The following L3MBTL4 variants were observed in gnomAD, a reference collection of about 807,000 sequenced individuals.
The protein encoded by L3MBTL4 is lethal(3)malignant brain tumor-like protein 4.
L3MBTL4 carries 70 observed loss-of-function variants against 84.5 expected under a neutral mutation model. The ratio of observed to expected loss-of-function variants is 0.83; its 90% CI spans 0.68 to 1.01. The LOEUF is 1.01. L3MBTL4 is among the 50% of genes least tolerant of loss of function. L3MBTL4 has a pLI of 0.00. For missense variants in L3MBTL4, 715 were observed against 754.8 expected (o/e 0.95, Z 0.62); for synonymous variants, 274 against 259.8 (o/e 1.05, Z -0.52).
rs1450535778 is a variant in L3MBTL4 at position 5,954,960 on chromosome 18, A to G, written c.*1260T>C. On this transcript the variant is annotated 3_prime_UTR_variant, in exon 19 of 19. Transcript: ENST00000317931. ...CAGTGAAAAAAAAATGTAAAGCTTG[A>G]GAAATTCTCCAAGCAGAATCAACTT... 6.6e-6 allele frequency: 1 copy of G among 152,236 alleles called. No individual in the cohort carries two copies. The highest frequency in any genetic ancestry group is 1.5e-5 in the Non-Finnish European group (1 of 68,042). 9.4% of individuals were successfully genotyped at this position (152,236 alleles called of 1,614,324 possible).
chr18:6,331,656 C>T (rs1262499394), intron 1 of L3MBTL4, among the ~76,000 whole-genome samples: 1 of 151,838 alleles, frequency 6.6e-6, no homozygotes, highest in Non-Finnish European at 1.5e-5. Flanking sequence ...TGAGGAAATA[C>T]GTGACAAAAC....
intron 8 of L3MBTL4, among the ~76,000 whole-genome samples, chr18:6,240,650 A>G (rs2146112853): frequency 6.6e-6 from 1 of 152,236 alleles, no homozygotes; most frequent in South Asian, 2.1e-4. Context: ...CCTGATTTTT[A>G]TTCTCCTTCA....
rs531581952 is a variant in L3MBTL4, at chr18:6,018,794, G to A, written c.1445-49232C>T. On this transcript the variant is annotated intron_variant, in intron 16 of 18. Transcript: ENST00000317931. ...GCTCTGAAAGAGTTAAGGTCTGGAA[G>A]CAATCAGAGCAAAGATTCTGATTAG... Among the ~76,000 whole-genome samples, 3 of 152,302 alleles carry A rather than the reference G, an allele frequency of 2.0e-5. No homozygotes were observed. The East Asian group carries it at 5.8e-4, about 29-fold the overall frequency.
chr18:6,254,250 C>G (rs899070699), intron 5 of L3MBTL4, among the ~76,000 whole-genome samples: 1 of 152,064 alleles, frequency 6.6e-6, no homozygotes, highest in African/African-American at 2.4e-5. Context: ...ACATGGCTAC[C>G]CTTCAAGGGG....
intron 5 of L3MBTL4, among the ~76,000 whole-genome samples, chr18:6,247,645 ATTTT>A (rs58646046): frequency 0.062 from 7,858 of 127,710 alleles, 777 homozygotes; most frequent in African/African-American, 0.22. Flanking sequence ...TGCCCGGCTA[ATTTT>A]TTTTTTTTTT....
chr18:6,314,468 A>G (rs901161470), intron 1 of L3MBTL4, among the ~76,000 whole-genome samples: 1 of 152,350 alleles, frequency 6.6e-6, no homozygotes, highest in Middle Eastern at 3.4e-3. Context: ...ACAATGCCCG[A>G]GCACCACCTA....
At position 6,078,112 on chromosome 18, in the gene L3MBTL4, C is replaced by CA. The variant is rs533262168; in HGVS notation, c.1444+2768dup. Among the ~76,000 whole-genome samples, 863 of 91,810 alleles carry CA rather than the reference C, an allele frequency of 9.4e-3. 8 individuals are homozygous for CA. The highest frequency in any genetic ancestry group is 0.016 in the Middle Eastern group (2 of 126). The allele number at this position is 91,810 out of a possible 152,430, so 60.2% of individuals were successfully genotyped here. A position where few individuals can be genotyped will look rare whatever the true frequency, so the allele number is the denominator to read the frequency against. ...CACTCATTCAAATCTATGCCCAGACCAAAAAAAAAAAAAAAAAGCTGGCAG... is the reference window on the plus strand; with the variant it reads ...CACTCATTCAAATCTATGCCCAGACCAAAAAAAAAAAAAAAAAAGCTGGCAG... On this transcript the variant is annotated intron_variant, in intron 16 of 18. Transcript: ENST00000317931.
At chr18:6,362,427 GCCCTCTCTCCTTCTGCTAACAGAGC>G (rs2053749096) in intron 1 of L3MBTL4, among the ~76,000 whole-genome samples, 1 of 152,176 alleles carries the variant, frequency 6.6e-6, no homozygotes, top group Non-Finnish European at 1.5e-5. Context: ...CTGCTCAGCA[GCCCTCTCTCCTTCTGCTAACAGAGC>G]CCCTCTCTGC....
At chr18:6,134,337 C>T (rs2059965377) in intron 14 of L3MBTL4, among the ~76,000 whole-genome samples, 2 of 152,068 alleles carry the variant, frequency 1.3e-5, no homozygotes, top group South Asian at 2.1e-4. Context: ...CATTCCACCC[C>T]GGCCCCTCCA....
At chr18:6,239,368 A>C (rs2047359260) in intron 9 of L3MBTL4, among the ~76,000 whole-genome samples, 2 of 135,138 alleles carry the variant, frequency 1.5e-5, no homozygotes, top group Admixed American at 8.0e-5. Flanking sequence ...AAATGTGATA[A>C]GGTACATTTA....
At chr18:6,185,152 G>T (rs1438967527) in intron 12 of L3MBTL4, among the ~76,000 whole-genome samples, 1 of 152,198 alleles carries the variant, frequency 6.6e-6, no homozygotes, top group Non-Finnish European at 1.5e-5. Flanking sequence ...GCAGACAAAT[G>T]AAAAGTCATT....
chr18:6,163,271 G>GT (rs1491389564), intron 13 of L3MBTL4, among the ~76,000 whole-genome samples: 21 of 77,490 alleles, frequency 2.7e-4, no homozygotes, highest in South Asian at 5.3e-4. Context: ...GGGGGGGGGT[G>GT]GGTGTGTGTG....
At chr18:6,177,849 G>A (rs964281517) in intron 12 of L3MBTL4, among the ~76,000 whole-genome samples, 52 of 152,176 alleles carry the variant, frequency 3.4e-4, no homozygotes, top group African/African-American at 9.9e-4. Flanking sequence ...AGAAGTTTGT[G>A]TAAGTCCATA....
chr18:6,146,613 G>C (rs1350569660), intron 13 of L3MBTL4, among the ~76,000 whole-genome samples: 1 of 152,046 alleles, frequency 6.6e-6, no homozygotes, highest in Non-Finnish European at 1.5e-5. Context: ...AAGTGGAAGA[G>C]GAAAAAGGGA....
intron 14 of L3MBTL4, among the ~76,000 whole-genome samples, chr18:6,126,412 C>T (rs953140259): frequency 3.9e-5 from 6 of 152,178 alleles, no homozygotes; most frequent in African/African-American, 1.4e-4. Flanking sequence ...TTCAGCTTCT[C>T]CTTAATCAAT....
chr18:5,962,106 A>T (rs1341632485), intron 17 of L3MBTL4, among the ~76,000 whole-genome samples: 1 of 151,976 alleles, frequency 6.6e-6, no homozygotes, highest in East Asian at 1.9e-4. Flanking sequence ...GCGGTGGAGG[A>T]TTGAGGGGAA....
intron 4 of L3MBTL4, among the ~76,000 whole-genome samples, chr18:6,295,539 G>A (rs1426702599): frequency 1.4e-4 from 22 of 151,778 alleles, no homozygotes; most frequent in Admixed American, 1.4e-3. Flanking sequence ...ATCCTACGGA[G>A]GGGGGCCCTT....
At chr18:6,380,102 C>T (rs990219601) in intron 1 of L3MBTL4, among the ~76,000 whole-genome samples, 1 of 152,064 alleles carries the variant, frequency 6.6e-6, no homozygotes, top group Non-Finnish European at 1.5e-5. Context: ...AGTTTATTTG[C>T]GTAGAGGTGT....
At chr18:6,125,981 T>C (rs9962348) in intron 14 of L3MBTL4, among the ~76,000 whole-genome samples, 2,394 of 152,284 alleles carry the variant, frequency 0.016, 68 homozygotes, top group African/African-American at 0.055. Context: ...TGTGGACCAA[T>C]CATTTATGGA....
Sources: gnomAD v4.1 joint callset for allele counts (sites outside exome capture counted in the v4.1 genomes callset) on GRCh38, gnomAD v4.1.1 for gene constraint, MANE v1.5 for transcripts, NCBI Gene and HGNC (gene_info 2026-07-23, HGNC 2026-07-21) for gene names.